The following ESRRG variants were observed in gnomAD, a reference collection of about 807,000 sequenced individuals.
ESRRG encodes estrogen related receptor gamma.
In ESRRG, 13 loss-of-function variants were observed where a neutral mutation model predicts 44.0. The ratio of observed to expected loss-of-function variants is 0.30; its 90% confidence interval spans 0.19 to 0.47. The LOEUF is 0.47. Among genes scored for constraint, ESRRG ranks in the 20% least tolerant of loss-of-function variants. The pLI, the probability that ESRRG is intolerant of heterozygous loss-of-function variation, is 1.00. For missense variants in ESRRG, 395 were observed against 580.6 expected (o/e 0.68, Z 3.29); for synonymous variants, 215 against 214.6 (o/e 1.00, Z -0.02).
chr1:216,816,005 G>A (rs1295023520), intron 2 of ESRRG, among the ~76,000 whole-genome samples: 2 of 152,170 alleles, frequency 1.3e-5, no homozygotes, highest in African/African-American at 4.8e-5. Context: ...TGGCTCACAT[G>A]CAAAGTGTAA....
intron 1 of ESRRG, among the ~76,000 whole-genome samples, chr1:217,103,394 C>T (rs1187617714): frequency 6.6e-6 from 1 of 151,768 alleles, no homozygotes. Flanking sequence ...ACCTGTAATC[C>T]CAGCACTTTG....
intron 2 of ESRRG, among the ~76,000 whole-genome samples, chr1:216,769,313 A>G (rs975362293): frequency 2.0e-5 from 3 of 152,166 alleles, no homozygotes; most frequent in South Asian, 2.1e-4. Context: ...TGTTCTATGA[A>G]GTAGTCATTG....
At chr1:217,091,977 T>G (rs1039400165), upstream of ESRRG, among the ~76,000 whole-genome samples, 1 of 152,236 alleles carries the variant, frequency 6.6e-6, no homozygotes, top group African/African-American at 2.4e-5. Context: ...GTTTTGTTCT[T>G]TTCAGACAAA....
intron 1 of ESRRG, among the ~76,000 whole-genome samples, chr1:217,047,679 G>A (rs1057487503): frequency 1.3e-5 from 2 of 152,048 alleles, no homozygotes; most frequent in Non-Finnish European, 2.9e-5. Flanking sequence ...GTTCCAATGG[G>A]GGAAGCAGAT....
chr1:216,988,944 G>A (rs1254683609), intron 1 of ESRRG, among the ~76,000 whole-genome samples: 4 of 152,150 alleles, frequency 2.6e-5, no homozygotes, highest in African/African-American at 9.7e-5. Context: ...CACTAAAATG[G>A]ATGAGAGTTA....
intron 3 of ESRRG, among the ~76,000 whole-genome samples, chr1:216,583,564 C>T (rs1243344598): frequency 6.6e-6 from 1 of 152,190 alleles, no homozygotes; most frequent in Non-Finnish European, 1.5e-5. Context: ...TCATGGCTGG[C>T]CTCTTAGCAT....
At chr1:216,995,372 A>G (rs899837878) in intron 1 of ESRRG, among the ~76,000 whole-genome samples, 6 of 152,024 alleles carry the variant, frequency 3.9e-5, no homozygotes, top group African/African-American at 1.4e-4. Flanking sequence ...TCTCTCCAAA[A>G]TGTCACTCCT....
chr1:216,801,594 C>A (rs1165392554), intron 2 of ESRRG, among the ~76,000 whole-genome samples: 1 of 152,118 alleles, frequency 6.6e-6, no homozygotes, highest in African/African-American at 2.4e-5. Flanking sequence ...CACACCTTCG[C>A]CAACATTTCT....
At chr1:216,581,704 C>A (rs955114014) in intron 3 of ESRRG, among the ~76,000 whole-genome samples, 1 of 151,974 alleles carries the variant, frequency 6.6e-6, no homozygotes, top group Non-Finnish European at 1.5e-5. Context: ...GCATTTACCC[C>A]CAAAGGACAC....
At chr1:216,535,094 C>T (rs2050543190) in intron 5 of ESRRG, among the ~76,000 whole-genome samples, 1 of 152,014 alleles carries the variant, frequency 6.6e-6, no homozygotes, top group African/African-American at 2.4e-5. Context: ...TGTTCATAGG[C>T]AAAAGAATGT....
At chr1:216,804,219 G>A (rs184965131) in intron 2 of ESRRG, among the ~76,000 whole-genome samples, 27 of 152,100 alleles carry the variant, frequency 1.8e-4, no homozygotes, top group African/African-American at 5.5e-4. Context: ...GCAATGTCTC[G>A]TCAATATCTC....
chr1:216,764,722 G>C (rs976557263), intron 2 of ESRRG, among the ~76,000 whole-genome samples: 4 of 152,132 alleles, frequency 2.6e-5, no homozygotes, highest in East Asian at 3.9e-4. Context: ...AAAAAAATTT[G>C]TATCCCTAAG....
Position 216,558,645 on chromosome 1 carries a change from TA to T in ESRRG, c.862+5573del, listed in dbSNP as rs1405198188. Among the ~76,000 whole-genome samples the T allele has an allele frequency of 5.3e-5, 8 of 151,900 alleles. No individual in the cohort carries two copies. The East Asian group carries it at 5.8e-4, about 11-fold the overall frequency. On this transcript the variant is annotated intron_variant, in intron 5 of 6. Coordinates refer to ENST00000408911, the MANE Select transcript of ESRRG (RefSeq NM_001438.4). The stretch of plus-strand genomic sequence containing the variant: ...TTTATACATATAAATAATTTGCATG[TA>T]TTTTTTTTCCTCATTTGATTTCTAT...
intron 3 of ESRRG, among the ~76,000 whole-genome samples, chr1:216,611,693 C>T (rs905703954): frequency 6.6e-6 from 1 of 151,930 alleles, no homozygotes; most frequent in Non-Finnish European, 1.5e-5. Flanking sequence ...CCCTCAAGGG[C>T]CCAGAATCTA....
At chr1:216,937,896 C>T (rs996227870) in intron 2 of ESRRG, among the ~76,000 whole-genome samples, 3 of 147,044 alleles carry the variant, frequency 2.0e-5, no homozygotes, top group African/African-American at 5.1e-5. Flanking sequence ...CTTTTCCAAA[C>T]TGAAATTGGC....
chr1:217,009,893 A>T (rs1192046747), intron 1 of ESRRG, among the ~76,000 whole-genome samples: 1 of 151,510 alleles, frequency 6.6e-6, no homozygotes, highest in Non-Finnish European at 1.5e-5. Context: ...TTTAGTAGAG[A>T]CGGGGTTTCA....
At chr1:216,519,828 AG>A (rs373408619) in intron 5 of ESRRG, among the ~76,000 whole-genome samples, 128 of 149,258 alleles carry the variant, frequency 8.6e-4, no homozygotes, top group African/African-American at 2.7e-3. Context: ...AAAAAAAAAA[AG>A]AAGAAGAAGG....
At chr1:216,944,718 A>T (rs1380437765) in intron 1 of ESRRG, among the ~76,000 whole-genome samples, 1 of 152,196 alleles carries the variant, frequency 6.6e-6, no homozygotes, top group African/African-American at 2.4e-5. Context: ...GACCAGTCTA[A>T]TGTTCTACCA....
chr1:216,948,007 A>G (rs935736056), intron 1 of ESRRG, among the ~76,000 whole-genome samples: 4 of 151,960 alleles, frequency 2.6e-5, no homozygotes, highest in Non-Finnish European at 4.4e-5. Context: ...GAAAGCCACA[A>G]GATAGAAGGA....
Sources: gnomAD v4.1 joint callset for allele counts (sites outside exome capture counted in the v4.1 genomes callset) on GRCh38, gnomAD v4.1.1 for gene constraint, MANE v1.5 for transcripts, NCBI Gene and HGNC (gene_info 2026-07-23, HGNC 2026-07-21) for gene names.